DEF6: variants seen among roughly 807,000 people sequenced by gnomAD.
DEF6 encodes DEF6 guanine nucleotide exchange factor.
DEF6 carries 32 observed loss-of-function variants against 80.5 expected under a neutral mutation model. The ratio of observed to expected loss-of-function variants is 0.40; its 90% CI spans 0.30 to 0.53. The LOEUF is 0.53. DEF6 is among the 20% of genes least tolerant of loss of function. The pLI is 0.57. For missense variants in DEF6, 575 were observed against 818.7 expected (o/e 0.70, Z 3.63); for synonymous variants, 300 against 337.9 (o/e 0.89, Z 1.23).
chr6:35,304,162 C>T (rs1240888281), intron 1 of DEF6, among the ~76,000 whole-genome samples: 2 of 151,960 alleles, frequency 1.3e-5, no homozygotes, highest in African/African-American at 4.8e-5. Flanking sequence ...CACACATATA[C>T]ACACAAAAAT....
intron 2 of DEF6, among the ~76,000 whole-genome samples, chr6:35,310,075 G>A (rs576921602): frequency 4.0e-5 from 6 of 150,834 alleles, no homozygotes; most frequent in East Asian, 1.9e-4. Context: ...ATCCCTGCCC[G>A]GCCCTCCTCC....
At chr6:35,300,913 CTCCTTCCCCACTGACTA>C (rs2150384462) in intron 1 of DEF6, among the ~76,000 whole-genome samples, 1 of 152,292 alleles carries the variant, frequency 6.6e-6, no homozygotes, top group East Asian at 1.9e-4. Context: ...ATAATTTGGC[CTCCTTCCCCACTGACTA>C]TCAGGCAGTG....
Position 35,318,012 on chromosome 6 carries a change from T to C in DEF6, c.916+13T>C. On this transcript the variant is annotated intron_variant, in intron 6 of 10. Transcript: ENST00000316637. The surrounding 1 kb of genome is among the most constrained non-coding windows in gnomAD (Gnocchi z 5.1). Reference sequence around the variant, plus strand: ...GAGTGGACAGCTGGTGAGTGCTCGCTAGGTGGCTTGGGTCTGGGTGGTCCT... The same window carrying C: ...GAGTGGACAGCTGGTGAGTGCTCGCCAGGTGGCTTGGGTCTGGGTGGTCCT... The C allele has an allele frequency of 6.2e-7, 1 of 1,609,196 alleles. No homozygotes were observed. The highest frequency in any genetic ancestry group is 8.5e-7 in the Non-Finnish European group (1 of 1,177,656).
At chr6:35,299,735 C>G (rs1048890491) in intron 1 of DEF6, among the ~76,000 whole-genome samples, 1 of 152,082 alleles carries the variant, frequency 6.6e-6, no homozygotes, top group Non-Finnish European at 1.5e-5. Flanking sequence ...TCCTACTTGA[C>G]AGAAAACTTG....
At chr6:35,306,511 T>TAA (rs988384869) in intron 1 of DEF6, among the ~76,000 whole-genome samples, 3 of 140,840 alleles carry the variant, frequency 2.1e-5, no homozygotes, top group East Asian at 2.1e-4. Flanking sequence ...AATTCTGTCT[T>TAA]AAAAAAAAAA....
In DEF6 at chr6:35,319,729, C is replaced by T. The variant is rs775076270; in HGVS notation, c.1382+39C>T. ...ACCTCTTCTGGTTCTCTCACCACCC[C>T]TCCTGGAACACACCCCAGTTTTCCT... On this transcript the variant is annotated intron_variant, in intron 8 of 10. Transcript: ENST00000316637. This position sits in a 1 kb window ranked among gnomAD's most constrained non-coding sequence, Gnocchi z 4.5. 1.4e-5 allele frequency: 22 copies of T among 1,608,914 alleles called. No individual in the cohort carries two copies. The highest frequency in any genetic ancestry group is 5.3e-5 in the African/African-American group (4 of 74,910).
In DEF6 at chr6:35,318,324, G is replaced by A; in HGVS notation, c.1068G>A (p.Glu356=). The A allele has an allele frequency of 3.9e-6, 6 of 1,546,856 alleles. No homozygotes were observed. The highest frequency in any genetic ancestry group is 1.4e-5 in the African/African-American group (1 of 73,108). The part of the protein sequence containing the change: ...ELLRLQQLQE[E]KERKLQELEL... ...TGCGGCTGCAGCAGCTGCAGGAGGA[G>A]AAGGAGCGGAAGCTGCAGGAGCTGG... The change falls in exon 7 of 11, where the codon GAG becomes GAA. Residue 356 remains glutamate (E), a synonymous_variant. Transcript: ENST00000316637. This position sits in a 1 kb window ranked among gnomAD's most constrained non-coding sequence, Gnocchi z 5.1.
At position 35,318,103 on chromosome 6, in the gene DEF6, C is replaced by T; in HGVS notation, c.917-70C>T. 1 of 1,536,796 alleles carries T rather than the reference C, an allele frequency of 6.5e-7. No homozygotes were observed. The highest frequency in any genetic ancestry group is 8.8e-7 in the Non-Finnish European group (1 of 1,141,582). ...CCAGCGGGAGGTTGGAGAGTGGACTCGGGAAACTCCTAAGGCCCCTTTCGG... is the reference window on the plus strand; with the variant it reads ...CCAGCGGGAGGTTGGAGAGTGGACTTGGGAAACTCCTAAGGCCCCTTTCGG... On this transcript the variant is annotated intron_variant, in intron 6 of 10. Transcript: ENST00000316637. This position sits in a 1 kb window ranked among gnomAD's most constrained non-coding sequence, Gnocchi z 5.1.
rs1582234537 is a variant in DEF6, at chr6:35,318,555, C to A, written c.1215+84C>A. 2.3e-6 allele frequency: 3 copies of A among 1,288,990 alleles called. No homozygotes were observed. The highest frequency in any genetic ancestry group is 6.4e-5 in the East Asian group (2 of 31,058). The allele number at this position is 1,288,990 out of a possible 1,614,324, so 79.8% of individuals were successfully genotyped here. A position where few individuals can be genotyped will look rare whatever the true frequency, so the allele number is the denominator to read the frequency against. ...CGGAGCGCCGGGGGCGGGGCCTGGG[C>A]AGAGGGCGGAGCTCCTGGGTTGAGG... On this transcript the variant is annotated intron_variant, in intron 7 of 10. Transcript: ENST00000316637. This position sits in a 1 kb window ranked among gnomAD's most constrained non-coding sequence, Gnocchi z 5.1.
chr6:35,319,967 C>A lies in DEF6; in HGVS notation c.1531C>A (p.Gln511Lys). Residue 511 changes from glutamine (Q) to lysine (K), a missense_variant, in exon 9 of 11, where the codon CAG becomes AAG. Transcript: ENST00000316637. This position sits in a 1 kb window ranked among gnomAD's most constrained non-coding sequence, Gnocchi z 4.5. ...CCGCTCCCTGCAGCAGGCCCAGCAG[C>A]AGCTGGAGGAGGTGCGGCAGAACCG... is the stretch of plus-strand genomic sequence containing the variant. ...QSRSLQQAQQ[Q>K]LEEVRQNRQR... 1 of 1,566,010 alleles carries A rather than the reference C, an allele frequency of 6.4e-7. No individual in the cohort carries two copies. The highest frequency in any genetic ancestry group is 8.7e-7 in the Non-Finnish European group (1 of 1,154,728).
intron 1 of DEF6, among the ~76,000 whole-genome samples, chr6:35,306,023 G>A (rs1791385005): frequency 6.6e-6 from 1 of 151,796 alleles, no homozygotes; most frequent in African/African-American, 2.4e-5. Context: ...CTCCCAAGTA[G>A]CTGGGATTAT....
At chr6:35,316,325 G>A (rs1791525310) in intron 5 of DEF6, among the ~76,000 whole-genome samples, 1 of 152,078 alleles carries the variant, frequency 6.6e-6, no homozygotes, top group Non-Finnish European at 1.5e-5. Flanking sequence ...ATTTTTCTAA[G>A]TAGAAGACCA....
Position 35,321,653 on chromosome 6 carries a change from C to T in DEF6, c.*243C>T, listed in dbSNP as rs1234015555. ...TGAGAACTTGGCCCTGTGCTTTAGA[C>T]CCAAGGACCCGATTCTTGGGCTAGG... On this transcript the variant is annotated 3_prime_UTR_variant, in exon 11 of 11. Coordinates refer to ENST00000316637, the MANE Select transcript of DEF6 (RefSeq NM_022047.4). 5.0e-6 allele frequency: 2 copies of T among 399,776 alleles called. No homozygotes were observed. Among genetic ancestry groups the T allele is most frequent in the Non-Finnish European group, 8.9e-6 (2 of 225,202 alleles). 24.8% of individuals were successfully genotyped at this position (399,776 alleles called of 1,614,324 possible). A position where few individuals can be genotyped will look rare whatever the true frequency, so the allele number is the denominator to read the frequency against.
In DEF6 at chr6:35,312,166, G is replaced by A. The variant is rs547031821; in HGVS notation, c.424-136G>A. The A allele has an allele frequency of 6.1e-5, 43 of 699,722 alleles. No individual in the cohort carries two copies. The East Asian group carries it at 1.0e-3, about 17-fold the overall frequency. 43.3% of individuals were successfully genotyped at this position (699,722 alleles called of 1,614,324 possible). A position where few individuals can be genotyped will look rare whatever the true frequency, so the allele number is the denominator to read the frequency against. On this transcript the variant is annotated intron_variant, in intron 3 of 10. Coordinates refer to ENST00000316637, the MANE Select transcript of DEF6 (RefSeq NM_022047.4). This position sits in a 1 kb window ranked among gnomAD's most constrained non-coding sequence, Gnocchi z 6.6. ...TCTTTTCCCTGGCTCCATAACATTC[G>A]GTCCTCTGGCCCCCTCAACGCTCTG...
chr6:35,318,585 T>G lies in DEF6; in HGVS notation c.1215+114T>G, dbSNP rs2150388947. On this transcript the variant is annotated intron_variant, in intron 7 of 10. Coordinates refer to ENST00000316637, the MANE Select transcript of DEF6 (RefSeq NM_022047.4). The surrounding 1 kb of genome is among the most constrained non-coding windows in gnomAD (Gnocchi z 5.1). ...GGCGGAGCTCCTGGGTTGAGGGGCG[T>G]GCACTGGGGTGGAGCTTGAAATGAG... is the stretch of plus-strand genomic sequence containing the variant. The G allele has an allele frequency of 2.9e-6, 3 of 1,018,814 alleles. No homozygotes were observed. In the South Asian group the frequency reaches 7.8e-5, roughly 26 times the overall value. The allele number at this position is 1,018,814 out of a possible 1,614,324, so 63.1% of individuals were successfully genotyped here.
At chr6:35,313,238 A>C (rs1791490437) in intron 5 of DEF6, 1 of 366,682 alleles carries the variant, frequency 2.7e-6, no homozygotes, top group African/African-American at 2.2e-5. Flanking sequence ...ACTATTTTAA[A>C]TAATATGTAT....
chr6:35,299,552 T>G (rs1455960810), intron 1 of DEF6, among the ~76,000 whole-genome samples: 1 of 152,132 alleles, frequency 6.6e-6, no homozygotes, highest in African/African-American at 2.4e-5. Flanking sequence ...TGTCTTGCCC[T>G]CTAAAAGGGC....
intron 5 of DEF6, among the ~76,000 whole-genome samples, chr6:35,313,150 C>G (rs1791489373): frequency 6.6e-6 from 1 of 152,088 alleles, no homozygotes; most frequent in South Asian, 2.1e-4. Flanking sequence ...CCTTCCATAC[C>G]CCTCTCCTCT....
Position 35,319,943 on chromosome 6 carries a change from C to T in DEF6, c.1507C>T (p.Arg503Cys). The change falls in exon 9 of 11, where the codon CGC becomes TGC. Residue 503 changes from arginine to cysteine, a missense_variant. Physicochemically the swap from Arg to Cys is radical, Grantham distance 180. Coordinates refer to ENST00000316637, the MANE Select transcript of DEF6 (RefSeq NM_022047.4). This position sits in a 1 kb window ranked among gnomAD's most constrained non-coding sequence, Gnocchi z 4.5. Reference protein sequence around the residue: ...ELQQEMAQQSRSLQQAQQQLE... With the variant: ...ELQQEMAQQSCSLQQAQQQLE... Reference sequence around the variant, plus strand: ...GCAGCAGGAGATGGCACAGCAGAGCCGCTCCCTGCAGCAGGCCCAGCAGCA... The same window carrying T: ...GCAGCAGGAGATGGCACAGCAGAGCTGCTCCCTGCAGCAGGCCCAGCAGCA... 1 of 1,567,492 alleles carries T rather than the reference C, an allele frequency of 6.4e-7. No individual in the cohort carries two copies. The highest frequency in any genetic ancestry group is 8.7e-7 in the Non-Finnish European group (1 of 1,155,722).
Sources: allele counts gnomAD v4.1 joint callset (sites outside exome capture counted in the v4.1 genomes callset), GRCh38; gene constraint gnomAD v4.1.1; non-coding constraint Gnocchi (gnomAD v3.1); transcripts MANE v1.5; gene names NCBI Gene and HGNC (gene_info 2026-07-23, HGNC 2026-07-21).